The following VANGL1 variants were observed in gnomAD, a reference collection of about 807,000 sequenced individuals.
The protein encoded by VANGL1 is vang-like protein 1.
A neutral mutation model predicts 48.4 loss-of-function variants in VANGL1; 18 were observed. The ratio of observed to expected loss-of-function variants is 0.37; its 90% CI spans 0.26 to 0.55. The LOEUF (loss-of-function observed/expected upper bound fraction) is 0.55. Ranked by LOEUF, VANGL1 falls within the 20% of genes least tolerant of loss-of-function variation. VANGL1 has a pLI of 0.81. For missense variants in VANGL1, 667 were observed against 675.8 expected (o/e 0.99, Z 0.14); for synonymous variants, 257 against 261.8 (o/e 0.98, Z 0.18).
At chr1:115,643,951 G>A (rs77926092) in intron 1 of VANGL1, among the ~76,000 whole-genome samples, 1 of 152,226 alleles carries the variant, frequency 6.6e-6, no homozygotes, top group East Asian at 1.9e-4. Context: ...TCCACATTGG[G>A]GCTGTGAGCT....
Position 115,663,974 on chromosome 1 carries a change from G to T in VANGL1, c.518G>T (p.Arg173Leu). 2 of 1,614,124 alleles carry T rather than the reference G, an allele frequency of 1.2e-6. No individual in the cohort carries two copies. Among genetic ancestry groups the T allele is most frequent in the Non-Finnish European group, 1.7e-6 (2 of 1,180,026 alleles). ...LLIGTWALFF[R>L]KRRADMPRVF... The stretch of plus-strand genomic sequence containing the variant: ...ATAGGGACCTGGGCACTTTTTTTCC[G>T]CAAGCGGAGAGCTGACATGCCACGG... Residue 173 changes from arginine (R) to leucine (L), a missense_variant, in exon 4 of 8, where the codon CGC becomes CTC. Coordinates refer to ENST00000355485, the MANE Select transcript of VANGL1 (RefSeq NM_138959.3).
At chr1:115,669,810 G>T (rs1482681067) in intron 4 of VANGL1, among the ~76,000 whole-genome samples, 1 of 152,186 alleles carries the variant, frequency 6.6e-6, no homozygotes, top group Admixed American at 6.5e-5. Context: ...AATCAAAGAT[G>T]TGGTAACGAA....
At chr1:115,685,609 G>C (rs1653576089) in intron 7 of VANGL1, 82 bp downstream of exon 7, 33 of 1,410,626 alleles carry the variant, frequency 2.3e-5, no homozygotes, top group Non-Finnish European at 3.2e-5. Context: ...CGTGTTACTA[G>C]AAGTGATAAA....
intron 5 of VANGL1, 48 bp from the exon 6 acceptor site, chr1:115,683,896 C>G (rs372403711): frequency 2.5e-6 from 4 of 1,606,184 alleles, no homozygotes; most frequent in Non-Finnish European, 3.4e-6. Context: ...GCTCTGTTTC[C>G]CACCCTCGTG....
At position 115,664,320 on chromosome 1, in the gene VANGL1, G is replaced by A. The variant is rs2101006022; in HGVS notation, c.812+52G>A. 3 of 1,596,478 alleles carry A rather than the reference G, an allele frequency of 1.9e-6. No homozygotes were observed. The East Asian group carries it at 6.8e-5, about 36-fold the overall frequency. On this transcript the variant is annotated intron_variant, in intron 4 of 7. Coordinates refer to ENST00000355485, the MANE Select transcript of VANGL1 (RefSeq NM_138959.3). Reference sequence around the variant, plus strand: ...AAGGATGGCTGATGTCTTGCTGGGAGACAGCTGCTCTGTAGCACGTGAGGG... The same window carrying A: ...AAGGATGGCTGATGTCTTGCTGGGAAACAGCTGCTCTGTAGCACGTGAGGG...
In VANGL1 at chr1:115,685,345, G is replaced by C. The variant is rs1653558319; in HGVS notation, c.1132G>C (p.Glu378Gln). 6.2e-7 allele frequency: 1 copy of C among 1,614,204 alleles called. No individual in the cohort carries two copies. Among genetic ancestry groups the C allele is most frequent in the East Asian group, 2.2e-5 (1 of 44,882 alleles). The change falls in exon 7 of 8, where the codon GAG becomes CAG. Residue 378 changes from glutamate to glutamine, a missense_variant. Coordinates refer to ENST00000355485, the MANE Select transcript of VANGL1 (RefSeq NM_138959.3). ...CATCCACATTCAGCGTCTCCAGGCT[G>C]AGGAGCAGCAGAAAGCCCCAGGGGA... ...AFIHIQRLQA[E>Q]EQQKAPGEVM...
chr1:115,659,065 C>T (rs371405166), intron 2 of VANGL1, among the ~76,000 whole-genome samples: 2 of 152,160 alleles, frequency 1.3e-5, no homozygotes, highest in South Asian at 2.1e-4. Context: ...CAACTAGAAC[C>T]TATGGGAATG....
chr1:115,645,265 G>A (rs1055973564), intron 1 of VANGL1, among the ~76,000 whole-genome samples: 2 of 152,182 alleles, frequency 1.3e-5, no homozygotes, highest in Non-Finnish European at 2.9e-5. Flanking sequence ...AAAGGTGGTA[G>A]CAGAGACCAG....
chr1:115,659,513 G>C lies in VANGL1; in HGVS notation c.72-128G>C, dbSNP rs1376157674. Reference sequence around the variant, plus strand: ...GGGTGGGTTTTGATGCTCTGTGTGTGTGTGTGTGTGTGTGTGTGTGTGTGT... The same window carrying C: ...GGGTGGGTTTTGATGCTCTGTGTGTCTGTGTGTGTGTGTGTGTGTGTGTGT... On this transcript the variant is annotated intron_variant, in intron 2 of 7. Transcript: ENST00000355485. The C allele has an allele frequency of 1.8e-5, 17 of 963,188 alleles. No homozygotes were observed. The Admixed American group carries it at 1.8e-4, about 10-fold the overall frequency. 59.7% of individuals were successfully genotyped at this position (963,188 alleles called of 1,614,324 possible).
intron 4 of VANGL1, among the ~76,000 whole-genome samples, chr1:115,681,012 A>G (rs1653364753): frequency 6.6e-6 from 1 of 152,238 alleles, no homozygotes; most frequent in Admixed American, 6.5e-5. Flanking sequence ...GCTGTTACAC[A>G]GAGTCCGCAT....
rs1185724817 is a variant in VANGL1 at position 115,696,863 on chromosome 1, T to A, written c.*5484T>A. On this transcript the variant is annotated 3_prime_UTR_variant, in exon 8 of 8. Transcript: ENST00000355485. Reference sequence around the variant, plus strand: ...CATCAGCGTTTTGTCCTTGTCATAGTGGAAGAAAGACACTTACTTTAAGCT... The same window carrying A: ...CATCAGCGTTTTGTCCTTGTCATAGAGGAAGAAAGACACTTACTTTAAGCT... 9 of 152,310 alleles carry A rather than the reference T, an allele frequency of 5.9e-5. No homozygotes were observed. The Middle Eastern group carries it at 0.014, about 230-fold the overall frequency. 9.4% of individuals were successfully genotyped at this position (152,310 alleles called of 1,614,324 possible).
intron 2 of VANGL1, among the ~76,000 whole-genome samples, chr1:115,656,968 G>A (rs1652376502): frequency 6.6e-6 from 1 of 152,206 alleles, no homozygotes; most frequent in Non-Finnish European, 1.5e-5. Flanking sequence ...AGAGTAGCTG[G>A]GGAAAATGGA....
intron 7 of VANGL1, among the ~76,000 whole-genome samples, chr1:115,689,897 A>G (rs1306755712): frequency 7.2e-6 from 1 of 138,422 alleles, no homozygotes; most frequent in African/African-American, 2.7e-5. Context: ...CGGAGCTTGC[A>G]GTGAGCCGAG....
In VANGL1 at chr1:115,691,533, A is replaced by G. The variant is rs902023791; in HGVS notation, c.*154A>G. 9 of 863,792 alleles carry G rather than the reference A, an allele frequency of 1.0e-5. No homozygotes were observed. The South Asian group carries it at 1.8e-4, about 18-fold the overall frequency. The allele number at this position is 863,792 out of a possible 1,614,324, so 53.5% of individuals were successfully genotyped here. On this transcript the variant is annotated 3_prime_UTR_variant, in exon 8 of 8. Transcript: ENST00000355485. ...AGTATCCTTTGACCATCTGCACTTT[A>G]TTTGGAAGGAAGCAGGGGCTGTCCA...
chr1:115,657,930 C>G (rs1284951617), intron 2 of VANGL1, among the ~76,000 whole-genome samples: 2 of 152,134 alleles, frequency 1.3e-5, no homozygotes, highest in Non-Finnish European at 2.9e-5. Context: ...AGGCGCCACA[C>G]ACTTTTAAAC....
At chr1:115,682,552 A>T in intron 5 of VANGL1, 55 bp downstream of exon 5, 2 of 1,613,450 alleles carry the variant, frequency 1.2e-6, no homozygotes, top group Admixed American at 3.3e-5. Flanking sequence ...TTGGGTGACT[A>T]TTTAAGATTC....
At chr1:115,671,909 A>T (rs1256148294) in intron 4 of VANGL1, among the ~76,000 whole-genome samples, 1 of 152,226 alleles carries the variant, frequency 6.6e-6, no homozygotes, top group Non-Finnish European at 1.5e-5. Flanking sequence ...GCTCCTCAGG[A>T]GGAGACCAGC....
chr1:115,649,336 A>G (rs1652051862), intron 1 of VANGL1, among the ~76,000 whole-genome samples: 1 of 151,954 alleles, frequency 6.6e-6, no homozygotes, highest in African/African-American at 2.4e-5. Flanking sequence ...CTTCCTTTTT[A>G]TGGATTGGGA....
chr1:115,687,097 TGTAGAAA>T (rs2101033880), intron 7 of VANGL1, among the ~76,000 whole-genome samples: 1 of 138,900 alleles, frequency 7.2e-6, no homozygotes, highest in East Asian at 2.0e-4. Flanking sequence ...AGGAAAGCAA[TGTAGAAA>T]TAGTAAGAAA....
Sources: allele counts gnomAD v4.1 joint callset (sites outside exome capture counted in the v4.1 genomes callset), GRCh38; gene constraint gnomAD v4.1.1; transcripts MANE v1.5; gene names NCBI Gene and HGNC (gene_info 2026-07-23, HGNC 2026-07-21).